The following SNX30 variants were observed in gnomAD, a reference collection of about 807,000 sequenced individuals.
SNX30 encodes the protein sorting nexin family member 30, also known as sorting nexin-30.
In SNX30, 24 loss-of-function variants were observed where a neutral mutation model predicts 46.4. The ratio of observed to expected loss-of-function variants is 0.52; its 90% confidence interval spans 0.37 to 0.73. The LOEUF is 0.73. Ranked by LOEUF, SNX30 falls within the 30% of genes least tolerant of loss-of-function variation. SNX30 has a pLI of 0.00. For missense variants in SNX30, 533 were observed against 555.7 expected (o/e 0.96, Z 0.41); for synonymous variants, 189 against 211.5 (o/e 0.89, Z 0.92).
intron 1 of SNX30, among the ~76,000 whole-genome samples, chr9:112,796,960 A>C (rs2131395817): frequency 6.6e-6 from 1 of 152,254 alleles, no homozygotes; most frequent in East Asian, 1.9e-4. Context: ...ATATAGGGAA[A>C]GCACCCCCTC....
At chr9:112,825,234 G>A (rs1227427551) in intron 3 of SNX30, among the ~76,000 whole-genome samples, 4 of 152,158 alleles carry the variant, frequency 2.6e-5, no homozygotes, top group South Asian at 2.1e-4. Flanking sequence ...ATTTCTCCAC[G>A]TATTTGCCAA....
intron 1 of SNX30, among the ~76,000 whole-genome samples, chr9:112,773,519 A>G (rs906497951): frequency 2.0e-5 from 3 of 152,124 alleles, no homozygotes; most frequent in Admixed American, 6.6e-5. Flanking sequence ...TAAGACTTAC[A>G]TATATTTTGA....
chr9:112,754,920 C>T (rs548067224), intron 1 of SNX30, among the ~76,000 whole-genome samples: 75 of 152,322 alleles, frequency 4.9e-4, no homozygotes, highest in South Asian at 2.7e-3. Context: ...TCATCTACTT[C>T]CTGCCTCCTT....
intron 5 of SNX30, 100 bp from the exon 6 acceptor site, chr9:112,838,398 A>G: frequency 3.2e-6 from 3 of 950,844 alleles, no homozygotes; most frequent in Admixed American, 2.5e-5. Context: ...AAAGAAACAC[A>G]TGTTCATGTA....
chr9:112,823,776 T>G (rs967006653), intron 3 of SNX30, among the ~76,000 whole-genome samples: 3 of 152,218 alleles, frequency 2.0e-5, no homozygotes, highest in Non-Finnish European at 4.4e-5. Context: ...GGTTCTTCTT[T>G]TTTCTACTGT....
chr9:112,775,760 A>G (rs787284), intron 1 of SNX30, among the ~76,000 whole-genome samples: 130,538 of 149,422 alleles, frequency 0.87, 57,231 homozygotes, highest in Middle Eastern at 0.92. Flanking sequence ...ATGCATAAAT[A>G]TAAAAATGCC....
At chr9:112,851,232 G>A (rs528671851) in intron 7 of SNX30, among the ~76,000 whole-genome samples, 19 of 152,306 alleles carry the variant, frequency 1.2e-4, no homozygotes, top group Admixed American at 1.0e-3. Context: ...GCATTGCAGA[G>A]AGAAGGAAAG....
At position 112,817,746 on chromosome 9, in the gene SNX30, T is replaced by C. The variant is rs377197030; in HGVS notation, c.390T>C (p.Arg130=). The change falls in exon 3 of 9, where the codon CGT becomes CGC. Residue 130 remains arginine (R), a synonymous_variant. Transcript: ENST00000374232. The part of the protein sequence containing the change: ...VEFDLPEYSV[R]RRYQDFDWLR... ...TTGACCTGCCAGAATATTCTGTTCG[T>C]CGAAGATACCAGGATTTTGACTGGT... The C allele has an allele frequency of 7.4e-6, 12 of 1,613,922 alleles. No homozygotes were observed. The African/African-American group carries it at 1.5e-4, about 20-fold the overall frequency.
At chr9:112,753,369 C>A (rs2131341917) in intron 1 of SNX30, among the ~76,000 whole-genome samples, 1 of 152,084 alleles carries the variant, frequency 6.6e-6, no homozygotes, top group South Asian at 2.1e-4. Context: ...GTCTTGAAGG[C>A]ATTATTAATT....
At chr9:112,823,483 C>T (rs1840536688) in intron 3 of SNX30, among the ~76,000 whole-genome samples, 1 of 152,190 alleles carries the variant, frequency 6.6e-6, no homozygotes, top group Admixed American at 6.5e-5. Context: ...TTTCCTGGAG[C>T]ACTAGTTACA....
At chr9:112,773,541 A>T (rs899363983) in intron 1 of SNX30, among the ~76,000 whole-genome samples, 2 of 152,178 alleles carry the variant, frequency 1.3e-5, no homozygotes, top group East Asian at 3.9e-4. Flanking sequence ...AGATACTGAT[A>T]GTAGGAATAG....
chr9:112,858,639 C>T (rs1447611705), intron 7 of SNX30, among the ~76,000 whole-genome samples: 8 of 152,290 alleles, frequency 5.3e-5, no homozygotes, highest in African/African-American at 1.4e-4. Flanking sequence ...GAGTTGCCAG[C>T]GCTCCCCTTC....
At chr9:112,865,669 A>G (rs200747621) in intron 8 of SNX30, among the ~76,000 whole-genome samples, 97,047 of 114,578 alleles carry the variant, frequency 0.85, 41,968 homozygotes, top group Non-Finnish European at 0.91. Context: ...ATATGTATGT[A>G]TGTATGCACA....
intron 4 of SNX30, among the ~76,000 whole-genome samples, chr9:112,835,993 C>T (rs1401243448): frequency 6.6e-6 from 1 of 152,172 alleles, no homozygotes; most frequent in Non-Finnish European, 1.5e-5. Context: ...GCGTTCAGCT[C>T]TGCTGAAAGG....
At chr9:112,750,565 T>C (rs924356476), upstream of SNX30, 2 of 152,412 alleles carry the variant, frequency 1.3e-5, no homozygotes, top group Admixed American at 6.5e-5. Flanking sequence ...CGTTGGACAC[T>C]GGGAGGACAG....
chr9:112,793,305 T>A (rs1056657933), intron 1 of SNX30, among the ~76,000 whole-genome samples: 4 of 152,244 alleles, frequency 2.6e-5, no homozygotes, highest in Non-Finnish European at 4.4e-5. Flanking sequence ...TTTGGGCTTG[T>A]TGGACACACC....
intron 6 of SNX30, among the ~76,000 whole-genome samples, chr9:112,839,731 A>G (rs1056598536): frequency 6.6e-5 from 10 of 152,214 alleles, no homozygotes; most frequent in African/African-American, 2.4e-4. Context: ...TTCTCAAAGG[A>G]GACCTCTGAA....
chr9:112,786,764 A>C (rs62576393), intron 1 of SNX30, among the ~76,000 whole-genome samples: 11,744 of 151,900 alleles, frequency 0.077, 572 homozygotes, highest in Non-Finnish European at 0.11. Context: ...TTGGCCTCCC[A>C]AGTGCTAGGA....
chr9:112,757,417 T>G (rs764268437), intron 1 of SNX30, among the ~76,000 whole-genome samples: 1 of 152,168 alleles, frequency 6.6e-6, no homozygotes, highest in Non-Finnish European at 1.5e-5. Context: ...CCTGCTTAGG[T>G]TGTTTCTATA....
Sources: gnomAD v4.1 joint callset for allele counts (sites outside exome capture counted in the v4.1 genomes callset) on GRCh38, gnomAD v4.1.1 for gene constraint, MANE v1.5 for transcripts, NCBI Gene and HGNC (gene_info 2026-07-23, HGNC 2026-07-21) for gene names.